Variants in ALPK2 observed in about 807,000 individuals in gnomAD.
ALPK2 encodes the protein alpha kinase 2, also known as alpha-protein kinase 2.
Under a neutral mutation model 163.1 loss-of-function variants are expected in ALPK2, and 127 were observed. The observed-to-expected ratio is 0.78, with a 90% confidence interval of 0.67 to 0.90. The LOEUF (loss-of-function observed/expected upper bound fraction) is 0.90, where lower values mean the gene tolerates loss of function less well. Among genes scored for constraint, ALPK2 ranks in the 40% least tolerant of loss-of-function variants. The probability of loss-of-function intolerance (pLI) is 0.00; values close to 1 mark genes in which losing one functional copy is unlikely to be tolerated. For missense variants in ALPK2, 2,360 were observed against 2,589.6 expected, an observed-to-expected ratio of 0.91 and a Z score of 1.92; for synonymous variants, 953 against 959.1, an observed-to-expected ratio of 0.99 and a Z score of 0.12.
At chr18:58,578,733 G>GACACACACACGCGCGCGTGCGCACAC (rs777103869) in intron 4 of ALPK2, 81 bp downstream of exon 4, 3 of 533,296 alleles carry the variant, frequency 5.6e-6, no homozygotes, top group Non-Finnish European at 9.2e-6. Context: ...TAAAGGAAGA[G>GACACACACACGCGCGCGTGCGCACAC]ACACACACAC....
intron 6 of ALPK2, among the ~76,000 whole-genome samples, chr18:58,528,390 G>A (rs2051594646): frequency 6.6e-6 from 1 of 152,088 alleles, no homozygotes; most frequent in Non-Finnish European, 1.5e-5. Flanking sequence ...AAGAAAATTA[G>A]CCAAGCATGG....
rs765861308 is a variant in ALPK2, at chr18:58,504,087, C to T, written c.6091G>A (p.Glu2031Lys). The change falls in exon 11 of 13, where the codon GAG (glutamate) becomes AAG (lysine). Residue 2031 changes from glutamate (E) to lysine (K), a missense_variant. Physicochemically the swap from Glu to Lys is moderately conservative, Grantham distance 56. Coordinates refer to ENST00000361673, the MANE Select transcript of ALPK2 (RefSeq NM_052947.4). ...ENNIPYATVEEELIGEFVKYS... is the reference protein window; with the variant it reads ...ENNIPYATVEKELIGEFVKYS... ...TTCACAAATTCTCCAATCAGCTCCTCCTCCACTGTAGCATACGGGATATTG... is the reference window on the plus strand; with the variant it reads ...TTCACAAATTCTCCAATCAGCTCCTTCTCCACTGTAGCATACGGGATATTG... The T allele has an allele frequency of 6.8e-6, 11 of 1,614,212 alleles. No homozygotes were observed. Among genetic ancestry groups the T allele is most frequent in the South Asian group, 1.1e-5 (1 of 91,084 alleles).
chr18:58,615,607 C>T (rs74323036), intron 1 of ALPK2, among the ~76,000 whole-genome samples: 64 of 152,304 alleles, frequency 4.2e-4, no homozygotes, highest in African/African-American at 1.5e-3. Context: ...TCATCAGTTT[C>T]CTTTTCTGCT....
chr18:58,598,399 G>A (rs973329798), intron 3 of ALPK2, among the ~76,000 whole-genome samples: 3 of 152,212 alleles, frequency 2.0e-5, no homozygotes, highest in South Asian at 4.1e-4. Flanking sequence ...GGAGGCAGAC[G>A]GGGAGGGGCG....
At chr18:58,557,832 C>T (rs2051802995) in intron 4 of ALPK2, among the ~76,000 whole-genome samples, 1 of 152,054 alleles carries the variant, frequency 6.6e-6, no homozygotes, top group Non-Finnish European at 1.5e-5. Flanking sequence ...CATGCAGTCC[C>T]AGCTACTGGG....
chr18:58,522,801 T>C (rs995203275), intron 8 of ALPK2, among the ~76,000 whole-genome samples: 2 of 152,182 alleles, frequency 1.3e-5, no homozygotes, highest in South Asian at 4.1e-4. Flanking sequence ...ACTCCACTGC[T>C]ACAGTGTAGC....
intron 4 of ALPK2, among the ~76,000 whole-genome samples, chr18:58,570,310 G>T (rs1162428766): frequency 2.6e-5 from 4 of 152,160 alleles, no homozygotes; most frequent in Non-Finnish European, 5.9e-5. Context: ...ATTACAAGAT[G>T]GTTTAGATCA....
chr18:58,548,756 T>C (rs768688568), intron 4 of ALPK2, among the ~76,000 whole-genome samples: 4 of 152,190 alleles, frequency 2.6e-5, no homozygotes, highest in Non-Finnish European at 4.4e-5. Flanking sequence ...TCCTGGGATA[T>C]TGAGATCGCT....
intron 4 of ALPK2, among the ~76,000 whole-genome samples, chr18:58,573,893 C>G (rs1204341680): frequency 6.6e-6 from 1 of 151,930 alleles, no homozygotes; most frequent in Non-Finnish European, 1.5e-5. Flanking sequence ...GTAGGCTGAG[C>G]TAGAAACAAG....
In ALPK2 at chr18:58,491,745, G is replaced by A. The variant is rs188801345; in HGVS notation, c.6296+6304C>T. 6.2e-4 allele frequency among the ~76,000 whole-genome samples: 95 copies of A among 152,318 alleles called. 1 individual carries two copies. Among genetic ancestry groups the A allele is most frequent in the African/African-American group, 2.2e-3 (93 of 41,568 alleles). On this transcript the variant is annotated intron_variant, in intron 12 of 12. Coordinates refer to ENST00000361673, the MANE Select transcript of ALPK2 (RefSeq NM_052947.4). ...ATGTGAATTAAACTCTTTCTCTGTT[G>A]CAGTTCCCATCTTGATAAATCGGCC... is the stretch of plus-strand genomic sequence containing the variant.
intron 4 of ALPK2, among the ~76,000 whole-genome samples, chr18:58,552,650 C>T (rs753710571): frequency 2.0e-5 from 3 of 152,162 alleles, no homozygotes; most frequent in Non-Finnish European, 4.4e-5. Flanking sequence ...AGGAAAACAT[C>T]GCCAGACAAA....
At chr18:58,566,164 A>T (rs1050423854) in intron 4 of ALPK2, among the ~76,000 whole-genome samples, 9 of 152,186 alleles carry the variant, frequency 5.9e-5, no homozygotes, top group Non-Finnish European at 1.0e-4. Context: ...ATAGTTTTTT[A>T]AAAATTTTAA....
At chr18:58,486,865 C>T (rs2051341460) in intron 12 of ALPK2, among the ~76,000 whole-genome samples, 1 of 152,166 alleles carries the variant, frequency 6.6e-6, no homozygotes. Flanking sequence ...GATTGATTAT[C>T]CCAGATTCAT....
At chr18:58,568,084 T>A (rs539189278) in intron 4 of ALPK2, among the ~76,000 whole-genome samples, 58 of 152,166 alleles carry the variant, frequency 3.8e-4, no homozygotes, top group Non-Finnish European at 7.6e-4. Context: ...CCCGGGCACA[T>A]GTTTTGATTT....
Position 58,611,750 on chromosome 18 carries a change from A to C in ALPK2, c.48T>G (p.Ser16=). The C allele has an allele frequency of 6.2e-7, 1 of 1,612,748 alleles. No individual in the cohort carries two copies. Among genetic ancestry groups the C allele is most frequent in the Non-Finnish European group, 8.5e-7 (1 of 1,179,492 alleles). ...CAGGAACCTTCTGGGAAAGCAATGTAGATAAAAAACACAGCGGGGGCCTCT... is the reference window on the plus strand; with the variant it reads ...CAGGAACCTTCTGGGAAAGCAATGTCGATAAAAAACACAGCGGGGGCCTCT... The part of the protein sequence containing the change: ...GPQRPPLCFL[S]TLLSQKVPEK... Residue 16 remains serine (S), a synonymous_variant, in exon 2 of 13, where the codon TCT becomes TCG. Transcript: ENST00000361673.
rs2051314039 is a variant in ALPK2 at position 58,481,996 on chromosome 18, G to A, written c.6340C>T (p.Gln2114Ter). ...TTACACTGGTGTAGTGCTTTAAACT[G>A]ATCAATGAAGGTCATGGAACAGTTG... Reference protein sequence around the residue: ...KGNCSMTFIDQFKALHQCNKY... With the variant: ...KGNCSMTFID The change falls in exon 13 of 13, where the codon CAG (glutamine) becomes TAG (stop). Residue 2114 changes from glutamine to a stop codon, truncating the protein, a stop_gained. Coordinates refer to ENST00000361673, the MANE Select transcript of ALPK2 (RefSeq NM_052947.4). LOFTEE classifies it low-confidence loss of function (END_TRUNC). 2 of 1,614,188 alleles carry A rather than the reference G, an allele frequency of 1.2e-6. No homozygotes were observed. The highest frequency in any genetic ancestry group is 1.7e-6 in the Non-Finnish European group (2 of 1,180,024).
rs907615993 is a variant in ALPK2, at chr18:58,537,525, G to A, written c.2662C>T (p.Pro888Ser). ...AAGGTGAAAGTACTGGTAAAAAGAGGGGACATGACTGAGTTGCCGTCCTTG... is the reference window on the plus strand; with the variant it reads ...AAGGTGAAAGTACTGGTAAAAAGAGAGGACATGACTGAGTTGCCGTCCTTG... Reference protein sequence around the residue: ...SSKDGNSVMSPLFTSTFTLNI... With the variant: ...SSKDGNSVMSSLFTSTFTLNI... The change falls in exon 5 of 13, where the codon CCT (proline) becomes TCT (serine). Residue 888 changes from proline (P) to serine (S), a missense_variant. Physicochemically the swap from Pro to Ser is moderately conservative, Grantham distance 74. Transcript: ENST00000361673. 12 of 1,613,146 alleles carry A rather than the reference G, an allele frequency of 7.4e-6. No homozygotes were observed. The East Asian group carries it at 2.7e-4, about 36-fold the overall frequency.
intron 4 of ALPK2, among the ~76,000 whole-genome samples, chr18:58,550,284 A>G (rs1198460624): frequency 6.6e-6 from 1 of 152,056 alleles, no homozygotes; most frequent in African/African-American, 2.4e-5. Flanking sequence ...CCCCTCCTCC[A>G]TCACGTACAA....
At chr18:58,577,818 G>A (rs896543765) in intron 4 of ALPK2, 4 of 152,280 alleles carry the variant, frequency 2.6e-5, no homozygotes, top group Admixed American at 2.6e-4. Flanking sequence ...ACAGAGTTAA[G>A]TCACTTTGCA....
Sources: allele counts gnomAD v4.1 joint callset (sites outside exome capture counted in the v4.1 genomes callset), GRCh38; gene constraint gnomAD v4.1.1; transcripts MANE v1.5; gene names NCBI Gene and HGNC (gene_info 2026-07-23, HGNC 2026-07-21).